PAPPA: variants seen among roughly 807,000 people sequenced by gnomAD.
PAPPA encodes the protein pappalysin 1, also known as pappalysin-1.
Under a neutral mutation model 164.0 loss-of-function variants are expected in PAPPA, and 60 were observed. That is an observed-to-expected ratio of 0.37 (90% CI 0.30 to 0.45). The LOEUF (loss-of-function observed/expected upper bound fraction) is 0.45. Among genes scored for constraint, PAPPA ranks in the 20% least tolerant of loss-of-function variants. The pLI is 1.00. For missense variants in PAPPA, 1,782 were observed against 2,087.3 expected, an observed-to-expected ratio of 0.85 and a Z score of 2.85; for synonymous variants, 875 against 814.1, an observed-to-expected ratio of 1.07 and a Z score of -1.27.
intron 17 of PAPPA, among the ~76,000 whole-genome samples, chr9:116,359,925 A>G (rs545341839): frequency 6.6e-6 from 1 of 152,370 alleles, no homozygotes; most frequent in Non-Finnish European, 1.5e-5. Context: ...ATATTTTTAA[A>G]AGCAAATTTT....
At chr9:116,324,286 G>A (rs1845895629) in intron 10 of PAPPA, among the ~76,000 whole-genome samples, 2 of 152,094 alleles carry the variant, frequency 1.3e-5, no homozygotes, top group African/African-American at 2.4e-5. Context: ...ACTGGGCCTC[G>A]ATTTTGTTAT....
chr9:116,383,097 C>A (rs1363153068), intron 21 of PAPPA, among the ~76,000 whole-genome samples: 1 of 151,900 alleles, frequency 6.6e-6, no homozygotes, highest in African/African-American at 2.4e-5. Context: ...CAGGACACAC[C>A]CAGGAGTGAT....
chr9:116,300,470 G>A (rs1238925044), intron 9 of PAPPA, among the ~76,000 whole-genome samples: 3 of 151,952 alleles, frequency 2.0e-5, no homozygotes, highest in Non-Finnish European at 4.4e-5. Flanking sequence ...GAGAGACAGG[G>A]TCTCATCATG....
At chr9:116,327,291 CT>C (rs1368185701) in intron 10 of PAPPA, among the ~76,000 whole-genome samples, 1 of 152,094 alleles carries the variant, frequency 6.6e-6, no homozygotes, top group Non-Finnish European at 1.5e-5. Flanking sequence ...TGGGAAGAAC[CT>C]TGGCATCACT....
chr9:116,322,764 G>A (rs1845874689), intron 10 of PAPPA, among the ~76,000 whole-genome samples: 1 of 151,346 alleles, frequency 6.6e-6, no homozygotes, highest in Admixed American at 6.6e-5. Context: ...GAAATATTGA[G>A]AAACACTGGC....
chr9:116,377,526 G>A, intron 19 of PAPPA, 50 bp from the exon 20 acceptor site: 2 of 1,322,640 alleles, frequency 1.5e-6, no homozygotes, highest in East Asian at 2.3e-5. Flanking sequence ...ACGGAGGTGG[G>A]TCCCTCCCAA....
intron 6 of PAPPA, among the ~76,000 whole-genome samples, chr9:116,231,660 CGGATGGATGGATGGATGGATGGATGGAT>C (rs199915317): frequency 1.8e-4 from 26 of 143,292 alleles, no homozygotes; most frequent in East Asian, 6.2e-4. Context: ...AATGAATGGG[CGGATGGATGGATGGATGGATGGATGGAT>C]GGATGGATGG....
In PAPPA at chr9:116,283,391, T is replaced by C. The variant is rs561951713; in HGVS notation, c.2953+11975T>C. On this transcript the variant is annotated intron_variant, in intron 9 of 21. Coordinates refer to ENST00000328252, the MANE Select transcript of PAPPA (RefSeq NM_002581.5). ...GACCAGGTTTGACACTCTGCCACTA[T>C]AAAGATCCAGACAGAGGGTTTTTCT... Among the ~76,000 whole-genome samples the C allele has an allele frequency of 9.1e-4, 138 of 152,238 alleles. 1 individual carries two copies. Among genetic ancestry groups the C allele is most frequent in the African/African-American group, 3.1e-3 (127 of 41,526 alleles).
At chr9:116,315,930 A>G (rs748517158) in intron 10 of PAPPA, among the ~76,000 whole-genome samples, 7 of 152,120 alleles carry the variant, frequency 4.6e-5, no homozygotes, top group Non-Finnish European at 1.0e-4. Flanking sequence ...TATGTAGAGA[A>G]CTCTACACTG....
rs561895392 is a variant in PAPPA, at chr9:116,262,218, T to C, written c.2733-3639T>C. On this transcript the variant is annotated intron_variant, in intron 7 of 21. Transcript: ENST00000328252. ...GACTGTCTTAAAAAAAAAAAAAAAA[T>C]CGCAAAGATTCCACAGAACAACCCT... Among the ~76,000 whole-genome samples the C allele has an allele frequency of 2.0e-4, 28 of 138,332 alleles. No homozygotes were observed. The South Asian group carries it at 4.8e-3, about 24-fold the overall frequency. The allele number at this position is 138,332 out of a possible 152,430, so 90.8% of individuals were successfully genotyped here. A position where few individuals can be genotyped will look rare whatever the true frequency, so the allele number is the denominator to read the frequency against.
At chr9:116,284,240 A>G (rs1294362163) in intron 9 of PAPPA, among the ~76,000 whole-genome samples, 1 of 152,234 alleles carries the variant, frequency 6.6e-6, no homozygotes, top group Non-Finnish European at 1.5e-5. Context: ...GAGATTGAGC[A>G]GAAATTTGAG....
At chr9:116,168,582 T>A (rs1843740692) in intron 1 of PAPPA, among the ~76,000 whole-genome samples, 1 of 152,168 alleles carries the variant, frequency 6.6e-6, no homozygotes, top group Non-Finnish European at 1.5e-5. Context: ...GTTCATGAAG[T>A]GAATGTGTAT....
At chr9:116,377,548 T>C in intron 19 of PAPPA, 28 bp from the exon 20 acceptor site, 3 of 1,573,534 alleles carry the variant, frequency 1.9e-6, no homozygotes, top group Non-Finnish European at 2.6e-6. Context: ...CCCAAGCCCA[T>C]CTGACCTTTC....
intron 2 of PAPPA, among the ~76,000 whole-genome samples, chr9:116,202,271 C>T (rs1225981635): frequency 2.0e-5 from 3 of 152,156 alleles, no homozygotes; most frequent in Non-Finnish European, 4.4e-5. Context: ...CTCAATAAAA[C>T]AGGCCCTGAC....
In PAPPA at chr9:116,175,111, A is replaced by G. The variant is rs1343108777; in HGVS notation, c.416-12043A>G. 3.3e-5 allele frequency among the ~76,000 whole-genome samples: 5 copies of G among 152,226 alleles called. No homozygotes were observed. The East Asian group carries it at 9.6e-4, about 29-fold the overall frequency. On this transcript the variant is annotated intron_variant, in intron 1 of 21. Transcript: ENST00000328252. ...CCCTGTTACTCCTTTCACTATTTAT[A>G]CATTCAAACCTAATGACCACTGATG...
At chr9:116,172,142 G>A (rs1843782065) in intron 1 of PAPPA, among the ~76,000 whole-genome samples, 1 of 152,114 alleles carries the variant, frequency 6.6e-6, no homozygotes, top group South Asian at 2.1e-4. Context: ...TCTGAGGTGG[G>A]TACTATTATT....
Position 116,187,558 on chromosome 9 carries a change from A to G in PAPPA, c.820A>G (p.Thr274Ala). 6.2e-7 allele frequency: 1 copy of G among 1,614,104 alleles called. No individual in the cohort carries two copies. Among genetic ancestry groups the G allele is most frequent in the East Asian group, 2.2e-5 (1 of 44,856 alleles). Residue 274 changes from threonine (T) to alanine (A), a missense_variant, in exon 2 of 22, where the codon ACC becomes GCC. Physicochemically the swap from Thr to Ala is moderately conservative, Grantham distance 58. This residue lies in a region of PAPPA where 458 missense variants were observed against 430.3 expected (regional missense o/e 1.06). Transcript: ENST00000328252. This position sits in a 1 kb window ranked among gnomAD's most constrained non-coding sequence, Gnocchi z 4.2. ...GCGGGAGATACTGTCTGACATGGAA[A>G]CCCATGGCGCCCACACTGCTCTACC... ...TQREILSDME[T>A]HGAHTALPQL...
chr9:116,187,677 C>T lies in PAPPA; in HGVS notation c.939C>T (p.Ala313=). The T allele has an allele frequency of 6.2e-7, 1 of 1,614,244 alleles. No individual in the cohort carries two copies. The highest frequency in any genetic ancestry group is 2.2e-5 in the East Asian group (1 of 44,886). ...GCCCCAAAGTGGAATTCAGCAATGC[C>T]CACGGCTTTCTGCTGGACACGAGTC... ...GSSPKVEFSN[A]HGFLLDTSLE... Residue 313 remains alanine (A), a synonymous_variant, in exon 2 of 22, where the codon GCC becomes GCT. Coordinates refer to ENST00000328252, the MANE Select transcript of PAPPA (RefSeq NM_002581.5). This position sits in a 1 kb window ranked among gnomAD's most constrained non-coding sequence, Gnocchi z 4.2.
Position 116,377,575 on chromosome 9 carries a change from G to T in PAPPA, c.4606-1G>T. On this transcript the variant is annotated splice_acceptor_variant, in intron 19 of 21. Transcript: ENST00000328252. LOFTEE classifies it high-confidence loss of function. ...TGACCTTTCTCTCCCTCTTCCCACA[G>T]AGAGTTGTCTGCACTGCTGGTCTCA... 1 of 1,612,416 alleles carries T rather than the reference G, an allele frequency of 6.2e-7. No homozygotes were observed. Among genetic ancestry groups the T allele is most frequent in the Non-Finnish European group, 8.5e-7 (1 of 1,178,522 alleles).
Sources: gnomAD v4.1 joint callset for allele counts (sites outside exome capture counted in the v4.1 genomes callset) on GRCh38, gnomAD v4.1.1 for gene constraint, gnomAD v4.1.1 regional missense constraint, Gnocchi (gnomAD v3.1) non-coding constraint, MANE v1.5 for transcripts, NCBI Gene and HGNC (gene_info 2026-07-23, HGNC 2026-07-21) for gene names.